Variants in B3GLCT observed in about 807,000 individuals in gnomAD.
The protein encoded by B3GLCT is beta-1,3-glucosyltransferase.
B3GLCT carries 65 observed loss-of-function variants against 63.4 expected under a neutral mutation model. That is an observed-to-expected ratio of 1.03 (90% CI 0.84 to 1.26). The LOEUF is 1.26. Among genes scored for constraint, B3GLCT ranks in the 50% most tolerant of loss-of-function variants. The probability of loss-of-function intolerance (pLI) is 0.00; values close to 1 mark genes in which losing one functional copy is unlikely to be tolerated. For missense variants in B3GLCT, 577 were observed against 604.8 expected (o/e 0.95, Z 0.48); for synonymous variants, 233 against 219.2 (o/e 1.06, Z -0.55).
Position 31,279,604 on chromosome 13 carries a change from A to G in B3GLCT, c.850+2833A>G, listed in dbSNP as rs185702267. ...CAAGGTAATAAAATAGCACAAGGCA[A>G]ATGGAGGCAGGGCGAGATCACAGGA... On this transcript the variant is annotated intron_variant, in intron 10 of 14. Coordinates refer to ENST00000343307, the MANE Select transcript of B3GLCT (RefSeq NM_194318.4). 2.0e-5 allele frequency among the ~76,000 whole-genome samples: 3 copies of G among 152,302 alleles called. No homozygotes were observed. In the East Asian group the frequency reaches 5.8e-4, roughly 29 times the overall value.
chr13:31,211,035 G>T (rs538275156), intron 1 of B3GLCT, among the ~76,000 whole-genome samples: 2 of 152,018 alleles, frequency 1.3e-5, no homozygotes, highest in Admixed American at 1.3e-4. Flanking sequence ...GTGCCACCAC[G>T]TCCGGCCACG....
chr13:31,325,424 A>G (rs2137950291), intron 14 of B3GLCT, among the ~76,000 whole-genome samples: 1 of 152,338 alleles, frequency 6.6e-6, no homozygotes, highest in Non-Finnish European at 1.5e-5. Context: ...GAAATAATTT[A>G]TCAAGGTTAG....
chr13:31,282,076 A>G (rs2137872506), intron 10 of B3GLCT, among the ~76,000 whole-genome samples: 1 of 152,330 alleles, frequency 6.6e-6, no homozygotes, highest in East Asian at 1.9e-4. Flanking sequence ...CACTATTATT[A>G]TAGGAAGTAT....
At chr13:31,214,845 G>A (rs1255811953) in intron 1 of B3GLCT, among the ~76,000 whole-genome samples, 6 of 152,254 alleles carry the variant, frequency 3.9e-5, no homozygotes, top group African/African-American at 4.8e-5. Context: ...TAGCCTAAGC[G>A]TGTTGGCTTC....
chr13:31,292,183 A>G (rs1873696470), intron 12 of B3GLCT, among the ~76,000 whole-genome samples: 2 of 152,300 alleles, frequency 1.3e-5, no homozygotes, highest in African/African-American at 4.8e-5. Context: ...CATGGTAGAC[A>G]AGGTTTTTGA....
chr13:31,236,020 T>G (rs1258677089), intron 4 of B3GLCT, among the ~76,000 whole-genome samples: 1 of 152,246 alleles, frequency 6.6e-6, no homozygotes, highest in Non-Finnish European at 1.5e-5. Flanking sequence ...ATGGACATTT[T>G]CATCTGTAGA....
In B3GLCT at chr13:31,331,531, T is replaced by C. The variant is rs1875926722; in HGVS notation, c.*1863T>C. 6.6e-6 allele frequency: 1 copy of C among 152,018 alleles called. No individual in the cohort carries two copies. The highest frequency in any genetic ancestry group is 1.5e-5 in the Non-Finnish European group (1 of 68,004). The allele number at this position is 152,018 out of a possible 1,614,324, so 9.4% of individuals were successfully genotyped here. A position where few individuals can be genotyped will look rare whatever the true frequency, so the allele number is the denominator to read the frequency against. The stretch of plus-strand genomic sequence containing the variant: ...AAAAGATCTTTGCCTAAGTTTTTGA[T>C]TTCTCAAATATTGTGTTCATTAGTC... On this transcript the variant is annotated 3_prime_UTR_variant, in exon 15 of 15. Coordinates refer to ENST00000343307, the MANE Select transcript of B3GLCT (RefSeq NM_194318.4).
chr13:31,218,920 A>T (rs1260192840), intron 2 of B3GLCT, among the ~76,000 whole-genome samples: 1 of 133,650 alleles, frequency 7.5e-6, no homozygotes, highest in Non-Finnish European at 1.6e-5. Context: ...GCTGAATTTT[A>T]TCAGAAGCCC....
chr13:31,285,261 T>A (rs1386475162), intron 11 of B3GLCT, among the ~76,000 whole-genome samples: 1 of 152,134 alleles, frequency 6.6e-6, no homozygotes, highest in Non-Finnish European at 1.5e-5. Context: ...TTAAAAACAC[T>A]TTTTAGGACA....
intron 4 of B3GLCT, among the ~76,000 whole-genome samples, chr13:31,245,582 C>A (rs1306757820): frequency 6.6e-6 from 1 of 152,066 alleles, no homozygotes; most frequent in Non-Finnish European, 1.5e-5. Flanking sequence ...AAGTTTTCAT[C>A]ATAATTTTAA....
chr13:31,290,871 C>T (rs1267316406), intron 12 of B3GLCT, among the ~76,000 whole-genome samples: 1 of 152,136 alleles, frequency 6.6e-6, no homozygotes, highest in African/African-American at 2.4e-5. Context: ...TTAATTGGAT[C>T]CTGTTTGTCA....
intron 12 of B3GLCT, among the ~76,000 whole-genome samples, chr13:31,308,367 A>AAAACAAAACAAAAC (rs58218335): frequency 4.1e-5 from 6 of 146,332 alleles, no homozygotes; most frequent in Non-Finnish European, 9.1e-5. Flanking sequence ...AAAACAAAAA[A>AAAACAAAACAAAAC]AAAAGCTAGT....
At chr13:31,225,576 A>G (rs746589496) in intron 3 of B3GLCT, among the ~76,000 whole-genome samples, 12 of 152,200 alleles carry the variant, frequency 7.9e-5, no homozygotes, top group Non-Finnish European at 1.6e-4. Flanking sequence ...CATGTCAGTG[A>G]TCTTCCGGCA....
chr13:31,279,337 CCAG>C (rs1872947197), intron 10 of B3GLCT, among the ~76,000 whole-genome samples: 1 of 151,840 alleles, frequency 6.6e-6, no homozygotes, highest in African/African-American at 2.4e-5. Flanking sequence ...GTGGGGGAAA[CCAG>C]CCCCCAATAT....
chr13:31,266,373 T>C (rs923653766), intron 7 of B3GLCT, among the ~76,000 whole-genome samples: 3 of 152,180 alleles, frequency 2.0e-5, no homozygotes, highest in African/African-American at 7.2e-5. Flanking sequence ...ACTTCGTGTT[T>C]TCCAGGAACT....
At chr13:31,217,747 G>A (rs1869627973) in intron 2 of B3GLCT, among the ~76,000 whole-genome samples, 1 of 152,160 alleles carries the variant, frequency 6.6e-6, no homozygotes, top group Admixed American at 6.5e-5. Flanking sequence ...TTGTAGGTGT[G>A]TGGCTTTATT....
intron 2 of B3GLCT, among the ~76,000 whole-genome samples, chr13:31,218,046 C>T (rs1236803286): frequency 2.6e-5 from 4 of 152,062 alleles, no homozygotes; most frequent in South Asian, 2.1e-4. Context: ...AATATTTATT[C>T]TTCCTATTCA....
chr13:31,248,817 T>G (rs1228434576), intron 6 of B3GLCT, among the ~76,000 whole-genome samples: 3 of 152,216 alleles, frequency 2.0e-5, no homozygotes, highest in Non-Finnish European at 4.4e-5. Context: ...AGGTGGTCAG[T>G]GAATATTTGC....
At chr13:31,238,062 A>G (rs1870745109) in intron 4 of B3GLCT, among the ~76,000 whole-genome samples, 1 of 152,232 alleles carries the variant, frequency 6.6e-6, no homozygotes, top group African/African-American at 2.4e-5. Context: ...ACTGCTGTTT[A>G]GTCATTACTC....
Sources: gnomAD v4.1 joint callset for allele counts (sites outside exome capture counted in the v4.1 genomes callset) on GRCh38, gnomAD v4.1.1 for gene constraint, MANE v1.5 for transcripts, NCBI Gene and HGNC (gene_info 2026-07-23, HGNC 2026-07-21) for gene names.